The following TEX15 variants were observed in gnomAD, a reference collection of about 807,000 sequenced individuals.
TEX15 encodes the protein testis expressed 15, meiosis and synapsis associated.
A neutral mutation model predicts 237.3 loss-of-function variants in TEX15; 171 were observed. That is an observed-to-expected ratio of 0.72 (90% CI 0.64 to 0.82). The LOEUF is 0.82. TEX15 is among the 40% of genes least tolerant of loss of function. TEX15 has a pLI of 0.00. For synonymous variants in TEX15, 1,338 were observed against 1,269.8 expected, an observed-to-expected ratio of 1.05 and a Z score of -1.14; for missense variants, 3,750 against 3,646.5, an observed-to-expected ratio of 1.03 and a Z score of -0.73.
chr8:30,847,394 T>C lies in TEX15; in HGVS notation c.2773A>G (p.Ile925Val), dbSNP rs1308995068. 5.0e-6 allele frequency: 8 copies of C among 1,612,878 alleles called. No individual in the cohort carries two copies. Among genetic ancestry groups the C allele is most frequent in the Non-Finnish European group, 5.9e-6 (7 of 1,179,738 alleles). ...SEEFSTKFNL[I>V]CREDNAVSAA... ...GACACTGCATTATCTTCTCTGCAAATCAAGTTAAATTTAGTAGAAAATTCT... is the reference window on the plus strand; with the variant it reads ...GACACTGCATTATCTTCTCTGCAAACCAAGTTAAATTTAGTAGAAAATTCT... The change falls in exon 8 of 11, where the codon ATT becomes GTT. Residue 925 changes from isoleucine to valine, a missense_variant. Ile to Val is a conservative substitution (Grantham distance 29, BLOSUM62 3). Coordinates refer to ENST00000643185, the MANE Select transcript of TEX15 (RefSeq NM_001350162.2).
chr8:30,895,639 T>A (rs993748403), intron 2 of TEX15, among the ~76,000 whole-genome samples: 3 of 149,994 alleles, frequency 2.0e-5, no homozygotes, highest in Admixed American at 6.6e-5. Flanking sequence ...GTATAGGTTA[T>A]TCAAGGGTTT....
chr8:30,854,779 T>C (rs760351527), intron 7 of TEX15, among the ~76,000 whole-genome samples: 26 of 152,030 alleles, frequency 1.7e-4, no homozygotes, highest in Non-Finnish European at 2.8e-4. Context: ...ACATATAAAA[T>C]GAATTATACA....
chr8:30,841,158 A>C (rs1807444401), intron 8 of TEX15, among the ~76,000 whole-genome samples: 1 of 152,136 alleles, frequency 6.6e-6, no homozygotes. Flanking sequence ...GGACTCAAGC[A>C]GTCTGCCCAC....
At chr8:30,869,735 A>C (rs1808250847) in intron 4 of TEX15, among the ~76,000 whole-genome samples, 1 of 151,990 alleles carries the variant, frequency 6.6e-6, no homozygotes, top group Non-Finnish European at 1.5e-5. Context: ...TTGTGAGTCT[A>C]CTTGCAATAA....
At chr8:30,855,306 C>T (rs879809113) in intron 7 of TEX15, among the ~76,000 whole-genome samples, 1 of 151,932 alleles carries the variant, frequency 6.6e-6, no homozygotes, top group African/African-American at 2.4e-5. Context: ...ATGAACAATA[C>T]ACTAATAAAA....
chr8:30,908,756 TAA>T (rs1301309017), intron 1 of TEX15, among the ~76,000 whole-genome samples: 2 of 152,224 alleles, frequency 1.3e-5, no homozygotes, highest in Non-Finnish European at 2.9e-5. Context: ...TTGTTTTTGA[TAA>T]GAGGGGTGTC....
Position 30,845,195 on chromosome 8 carries a change from C to T in TEX15, c.4972G>A (p.Val1658Met), listed in dbSNP as rs2128767658. ...TAGAGATCATTTAAAAAGTGCTTCA[C>T]ATTTGAATCTAAGACTGATATAAGT... ...DVLISVLDSN[V>M]KHFLNDLYQQ... The change falls in exon 8 of 11, where the codon GTG becomes ATG. Residue 1658 changes from valine to methionine, a missense_variant. Val to Met is a conservative substitution (Grantham distance 21). Transcript: ENST00000643185. 1.2e-6 allele frequency: 2 copies of T among 1,613,494 alleles called. No homozygotes were observed. Among genetic ancestry groups the T allele is most frequent in the Non-Finnish European group, 1.7e-6 (2 of 1,179,522 alleles).
At chr8:30,833,604 C>T (rs1434667015) in intron 10 of TEX15, among the ~76,000 whole-genome samples, 1 of 152,184 alleles carries the variant, frequency 6.6e-6, no homozygotes, top group Non-Finnish European at 1.5e-5. Flanking sequence ...ACAGGGCTCA[C>T]TCAAGCACTG....
chr8:30,905,312 C>T (rs1400830115), intron 1 of TEX15, among the ~76,000 whole-genome samples: 1 of 151,572 alleles, frequency 6.6e-6, no homozygotes, highest in African/African-American at 2.4e-5. Flanking sequence ...TATTGAGTCC[C>T]CAGGAGAAAT....
chr8:30,873,111 A>G (rs1808327752), intron 4 of TEX15, among the ~76,000 whole-genome samples: 1 of 152,172 alleles, frequency 6.6e-6, no homozygotes, highest in African/African-American at 2.4e-5. Context: ...TATTCCTGTC[A>G]TTAAGCAACG....
chr8:30,869,137 G>T (rs147673842), intron 4 of TEX15, among the ~76,000 whole-genome samples: 1 of 151,680 alleles, frequency 6.6e-6, no homozygotes. Context: ...GTTAGTTTTT[G>T]ATCTATTTCT....
Position 30,893,652 on chromosome 8 carries a change from C to T in TEX15, c.-10+5090G>A, listed in dbSNP as rs117791415. On this transcript the variant is annotated intron_variant, in intron 2 of 10. Transcript: ENST00000643185. Reference sequence around the variant, plus strand: ...TCCTGGGTAGAAAATTCTAGAATGACTGCTACTTTCTCTCAGCACTCTCAA... The same window carrying T: ...TCCTGGGTAGAAAATTCTAGAATGATTGCTACTTTCTCTCAGCACTCTCAA... 3.1e-3 allele frequency among the ~76,000 whole-genome samples: 472 copies of T among 152,304 alleles called. 1 individual carries two copies. The highest frequency in any genetic ancestry group is 5.9e-3 in the Non-Finnish European group (402 of 68,032).
chr8:30,856,077 C>T (rs543338354), intron 7 of TEX15, among the ~76,000 whole-genome samples: 2 of 152,190 alleles, frequency 1.3e-5, no homozygotes, highest in South Asian at 2.1e-4. Flanking sequence ...TCCCACGTAG[C>T]TGGGATTATA....
At chr8:30,887,343 G>T in intron 2 of TEX15, 32 bp from the exon 3 acceptor site, 1 of 1,496,906 alleles carries the variant, frequency 6.7e-7, no homozygotes, top group Non-Finnish European at 8.9e-7. Flanking sequence ...TAAGCAAAAA[G>T]GTCAATAAAT....
At chr8:30,881,096 C>A (rs973234519) in intron 3 of TEX15, among the ~76,000 whole-genome samples, 1 of 152,082 alleles carries the variant, frequency 6.6e-6, no homozygotes, top group African/African-American at 2.4e-5. Context: ...TGCAAGAGAA[C>A]ATTCACCTCT....
At chr8:30,859,374 GA>G (rs745825466) in intron 6 of TEX15, among the ~76,000 whole-genome samples, 2 of 151,986 alleles carry the variant, frequency 1.3e-5, no homozygotes, top group Non-Finnish European at 2.9e-5. Context: ...AAGTATAGAA[GA>G]TCAAAATCTT....
At chr8:30,883,358 C>A (rs935095608) in intron 3 of TEX15, among the ~76,000 whole-genome samples, 3 of 149,716 alleles carry the variant, frequency 2.0e-5, no homozygotes, top group Non-Finnish European at 4.4e-5. Context: ...GCTATTCCTT[C>A]TCAGTATTTT....
At position 30,845,176 on chromosome 8, in the gene TEX15, T is replaced by C; in HGVS notation, c.4991A>G (p.Asp1664Gly). The C allele has an allele frequency of 6.2e-7, 1 of 1,613,484 alleles. No homozygotes were observed. Among genetic ancestry groups the C allele is most frequent in the South Asian group, 1.1e-5 (1 of 91,064 alleles). ...AATAAGGTTACCTTGTTGGTAGAGA[T>C]CATTTAAAAAGTGCTTCACATTTGA... Reference protein sequence around the residue: ...LDSNVKHFLNDLYQQGNLILS... With the variant: ...LDSNVKHFLNGLYQQGNLILS... The change falls in exon 8 of 11, where the codon GAT becomes GGT. Residue 1664 changes from aspartate (D) to glycine (G), a missense_variant. Transcript: ENST00000643185.
chr8:30,844,681 GA>G lies in TEX15; in HGVS notation c.5485del (p.Ser1829LeufsTer7). On this transcript the variant is annotated frameshift_variant, in exon 8 of 11. Transcript: ENST00000643185. LOFTEE classifies it high-confidence loss of function. ...TTTCTTCACAATACATGTTTCTGAA[GA>G]GGAGCCTTTTACATTATCTTTTAAA... Reference protein sequence around the residue: ...LLLKDNVKGSSSETCIVKKDT... With the variant: ...LLLKDNVKGSXSETCIVKKDT... 1 of 1,613,216 alleles carries G rather than the reference GA, an allele frequency of 6.2e-7. No homozygotes were observed. Among genetic ancestry groups the G allele is most frequent in the Non-Finnish European group, 8.5e-7 (1 of 1,179,588 alleles).
Sources: allele counts gnomAD v4.1 joint callset (sites outside exome capture counted in the v4.1 genomes callset), GRCh38; gene constraint gnomAD v4.1.1; transcripts MANE v1.5; gene names NCBI Gene and HGNC (gene_info 2026-07-23, HGNC 2026-07-21).